MYO7B: variants seen among roughly 807,000 people sequenced by gnomAD.
MYO7B encodes myosin VIIB.
Under a neutral mutation model 259.7 loss-of-function variants are expected in MYO7B, and 212 were observed. The observed-to-expected ratio is 0.82, with a 90% CI of 0.73 to 0.91. MYO7B has a LOEUF of 0.91. MYO7B is among the 40% of genes least tolerant of loss of function. MYO7B has a pLI of 0.00. For synonymous variants in MYO7B, 1,197 were observed against 1,166.4 expected (o/e 1.03, Z -0.54); for missense variants, 2,732 against 2,813.5 (o/e 0.97, Z 0.66).
At chr2:127,569,625 C>G (rs952209115) in intron 5 of MYO7B, among the ~76,000 whole-genome samples, 164 bp from the exon 6 acceptor site, 7 of 152,136 alleles carry the variant, frequency 4.6e-5, no homozygotes, top group African/African-American at 1.4e-4. Flanking sequence ...AGCCTGAGAC[C>G]CACAGGGGAT....
intron 31 of MYO7B, chr2:127,626,314 C>G (rs535201236): frequency 6.6e-6 from 1 of 152,646 alleles, no homozygotes; most frequent in Admixed American, 6.5e-5. Flanking sequence ...CCCTCCTGCA[C>G]GGAACGAGTC....
At chr2:127,581,823 A>T in intron 10 of MYO7B, 68 bp from the exon 11 acceptor site, 1 of 1,600,616 alleles carries the variant, frequency 6.2e-7, no homozygotes, top group South Asian at 1.1e-5. Context: ...GACTTGGCAG[A>T]AGCAGGTCAG....
intron 7 of MYO7B, among the ~76,000 whole-genome samples, chr2:127,575,453 C>T (rs1037294127): frequency 4.6e-4 from 70 of 151,648 alleles, no homozygotes; most frequent in African/African-American, 1.4e-3. Flanking sequence ...TTTAAAATTA[C>T]GGCATATCTA....
intron 21 of MYO7B, among the ~76,000 whole-genome samples, 164 bp from the exon 22 acceptor site, chr2:127,608,544 G>C (rs1484690674): frequency 2.6e-5 from 4 of 152,252 alleles, no homozygotes; most frequent in Non-Finnish European, 5.9e-5. Context: ...AACCACACTA[G>C]CTGTTAAAAT....
intron 14 of MYO7B, among the ~76,000 whole-genome samples, chr2:127,587,302 G>A (rs1180616727): frequency 1.3e-5 from 2 of 152,164 alleles, no homozygotes; most frequent in African/African-American, 4.8e-5. Flanking sequence ...GGGGAGACAT[G>A]GGATCTTCTC....
intron 6 of MYO7B, among the ~76,000 whole-genome samples, chr2:127,571,842 AC>A: frequency 6.6e-6 from 1 of 152,286 alleles, no homozygotes; most frequent in African/African-American, 2.4e-5. Flanking sequence ...GATAGGTGTT[AC>A]ATCTTATATT....
At chr2:127,536,466 G>A (rs1007041654) in intron 1 of MYO7B, among the ~76,000 whole-genome samples, 2 of 90,288 alleles carry the variant, frequency 2.2e-5, no homozygotes, top group African/African-American at 7.9e-5. Flanking sequence ...CTGGGGTGTG[G>A]TGGGGGGGGG....
chr2:127,625,914 C>T (rs932261636), intron 31 of MYO7B: 102 of 211,606 alleles, frequency 4.8e-4, no homozygotes, highest in African/African-American at 1.0e-3. Flanking sequence ...AGCATCCCCT[C>T]GCTGGGTGCA....
At position 127,623,339 on chromosome 2, in the gene MYO7B, C is replaced by T; in HGVS notation, c.3783C>T (p.His1261=). 6.2e-7 allele frequency: 1 copy of T among 1,608,370 alleles called. No individual in the cohort carries two copies. Among genetic ancestry groups the T allele is most frequent in the Non-Finnish European group, 8.5e-7 (1 of 1,177,282 alleles). Residue 1261 remains histidine, a synonymous_variant, in exon 29 of 48, where the codon CAC becomes CAT. Transcript: ENST00000409816. ...CTCACAAGCAGGGCCTCAGCGACCA[C>T]CTGGGCTTCTCCCTCCAGGTCGCCG... ...HIAHKQGLSD[H]LGFSLQVAVY... is the part of the protein sequence containing the mutation.
chr2:127,608,901 AATC>A (rs1680266591), intron 22 of MYO7B, 23 bp downstream of exon 22: 1 of 1,601,788 alleles, frequency 6.2e-7, no homozygotes, highest in African/African-American at 1.3e-5. Flanking sequence ...TGGTGTCCAC[AATC>A]CGCCCCGGGT....
intron 20 of MYO7B, 24 bp downstream of exon 20, chr2:127,605,952 T>C: frequency 6.9e-7 from 1 of 1,453,196 alleles, no homozygotes; most frequent in Non-Finnish European, 9.0e-7. Flanking sequence ...CTGGGGCGGC[T>C]GGGCCGCGGG....
intron 1 of MYO7B, among the ~76,000 whole-genome samples, chr2:127,538,755 G>A (rs1692891583): frequency 6.6e-6 from 1 of 151,842 alleles, no homozygotes. Flanking sequence ...TGTAGAGATG[G>A]GGTTTCACCA....
At chr2:127,630,576 A>G (rs893393978) in intron 35 of MYO7B, among the ~76,000 whole-genome samples, 1 of 152,160 alleles carries the variant, frequency 6.6e-6, no homozygotes, top group Non-Finnish European at 1.5e-5. Context: ...CACCCTCCCA[A>G]GGGAAAGGAG....
In MYO7B at chr2:127,573,979, G is replaced by A. The variant is rs763195684; in HGVS notation, c.652G>A (p.Asp218Asn). Reference sequence around the variant, plus strand: ...CTCAAGCCGCTTTGGGAAGTACATTGACATCTACTTTAACCCCAGCGGGGT... The same window carrying A: ...CTCAAGCCGCTTTGGGAAGTACATTAACATCTACTTTAACCCCAGCGGGGT... ...DNSSRFGKYI[D>N]IYFNPSGVIE... The change falls in exon 7 of 48, where the codon GAC (aspartate) becomes AAC (asparagine). Residue 218 changes from aspartate (D) to asparagine (N), a missense_variant. Asp to Asn is a conservative substitution (Grantham distance 23, BLOSUM62 1). Around this residue, in one of 3 missense-constraint regions of MYO7B, gnomAD observed 1,906 missense variants for 2,026.4 expected, o/e 0.94. Coordinates refer to ENST00000409816, the MANE Select transcript of MYO7B (RefSeq NM_001393586.1). 2.7e-5 allele frequency: 44 copies of A among 1,613,928 alleles called. No individual in the cohort carries two copies. In the East Asian group the frequency reaches 8.5e-4, roughly 31 times the overall value.
chr2:127,560,048 A>G (rs1678009734), intron 2 of MYO7B, among the ~76,000 whole-genome samples: 1 of 141,892 alleles, frequency 7.0e-6, no homozygotes, highest in Non-Finnish European at 1.5e-5. Context: ...TTTTTTTCAG[A>G]CAGGGTCTCA....
intron 29 of MYO7B, among the ~76,000 whole-genome samples, chr2:127,623,752 A>G (rs188920635): frequency 1.3e-3 from 202 of 152,090 alleles, no homozygotes; most frequent in African/African-American, 4.7e-3. Flanking sequence ...ACCAGCACAG[A>G]CCCTCACCGC....
In MYO7B at chr2:127,576,011, C is replaced by T. The variant is rs1190363407; in HGVS notation, c.736-584C>T. Among the ~76,000 whole-genome samples the T allele has an allele frequency of 6.6e-6, 1 of 152,096 alleles. No individual in the cohort carries two copies. Among genetic ancestry groups the T allele is most frequent in the Non-Finnish European group, 1.5e-5 (1 of 68,014 alleles). On this transcript the variant is annotated intron_variant, in intron 7 of 47. Coordinates refer to ENST00000409816, the MANE Select transcript of MYO7B (RefSeq NM_001393586.1). This position sits in a 1 kb window ranked among gnomAD's most constrained non-coding sequence, Gnocchi z 4.9. ...TAAAAAATACAGAAGGCACCCTAGG[C>T]AACATGGCAAAACCCCATCTCTACA...
rs376637449 is a variant in MYO7B at position 127,584,807 on chromosome 2, G to A, written c.1584G>A (p.Leu528=). The change falls in exon 14 of 48, where the codon CTG becomes CTA. Residue 528 remains leucine, a synonymous_variant. Coordinates refer to ENST00000409816, the MANE Select transcript of MYO7B (RefSeq NM_001393586.1). The surrounding 1 kb of genome is among the most constrained non-coding windows in gnomAD (Gnocchi z 5.8). ...CAGATCTCACCATGCTGCAAAAGCT[G>A]AACAGCGTCCATGCCAACAACAAGG... ...QGTDLTMLQK[L]NSVHANNKAF... 1.4e-5 allele frequency: 23 copies of A among 1,613,808 alleles called. No homozygotes were observed. The highest frequency in any genetic ancestry group is 1.9e-5 in the Non-Finnish European group (22 of 1,179,876).
rs1273284784 is a variant in MYO7B at position 127,628,860 on chromosome 2, C to T, written c.4624+325C>T. Among the ~76,000 whole-genome samples, 1 of 152,248 alleles carries T rather than the reference C, an allele frequency of 6.6e-6. No homozygotes were observed. The highest frequency in any genetic ancestry group is 1.5e-5 in the Non-Finnish European group (1 of 68,048). On this transcript the variant is annotated intron_variant, in intron 34 of 47. Transcript: ENST00000409816. The surrounding 1 kb of genome is among the most constrained non-coding windows in gnomAD (Gnocchi z 4.8). ...AGTTTTGAACACCATCCCCACAGCG[C>T]ACTGCTGCAAAAGCACCCCATTATC... is the stretch of plus-strand genomic sequence containing the variant.
Sources: allele counts gnomAD v4.1 joint callset (sites outside exome capture counted in the v4.1 genomes callset), GRCh38; gene constraint gnomAD v4.1.1; regional missense constraint gnomAD v4.1.1; non-coding constraint Gnocchi (gnomAD v3.1); transcripts MANE v1.5; gene names NCBI Gene and HGNC (gene_info 2026-07-23, HGNC 2026-07-21).